Variants in ACACB observed in about 807,000 individuals in gnomAD.
ACACB encodes acetyl-CoA carboxylase 2.
Under a neutral mutation model 278.8 loss-of-function variants are expected in ACACB, and 209 were observed. The ratio of observed to expected loss-of-function variants is 0.75; its 90% CI spans 0.67 to 0.84. The LOEUF is 0.84. Ranked by LOEUF, ACACB falls within the 40% of genes least tolerant of loss-of-function variation. The pLI is 0.00. For missense variants in ACACB, 2,850 were observed against 3,269.0 expected, an observed-to-expected ratio of 0.87 and a Z score of 3.13; for synonymous variants, 1,174 against 1,285.6, an observed-to-expected ratio of 0.91 and a Z score of 1.86.
In ACACB at chr12:109,237,257, G is replaced by A. The variant is rs781147586; in HGVS notation, c.4539G>A (p.Val1513=). The change falls in exon 34 of 53, where the codon GTG becomes GTA. Residue 1513 remains valine, a synonymous_variant. Transcript: ENST00000338432. Reference sequence around the variant, plus strand: ...TGCGTAACTTCGATCTGACCGCCGTGCCCTGTGCCAACCACAAGATGCACC... The same window carrying A: ...TGCGTAACTTCGATCTGACCGCCGTACCCTGTGCCAACCACAAGATGCACC... ...NRMRNFDLTA[V]PCANHKMHLY... 6.8e-6 allele frequency: 11 copies of A among 1,614,080 alleles called. No individual in the cohort carries two copies. The highest frequency in any genetic ancestry group is 9.3e-6 in the Non-Finnish European group (11 of 1,180,034).
intron 2 of ACACB, among the ~76,000 whole-genome samples, chr12:109,149,217 C>T (rs916862596): frequency 3.3e-5 from 5 of 152,174 alleles, no homozygotes; most frequent in Non-Finnish European, 5.9e-5. Context: ...CGGGCACCTC[C>T]GTCCTCCTCC....
chr12:109,147,279 G>A (rs896939298), intron 2 of ACACB, among the ~76,000 whole-genome samples: 6 of 151,878 alleles, frequency 4.0e-5, no homozygotes, highest in Non-Finnish European at 5.9e-5. Context: ...CACCCAGGCT[G>A]GAGTGCTGTG....
rs753517990 is a variant in ACACB, at chr12:109,175,888, C to T, written c.1217-43C>T. 1.1e-5 allele frequency: 18 copies of T among 1,568,250 alleles called. No individual in the cohort carries two copies. The African/African-American group carries it at 1.9e-4, about 16-fold the overall frequency. On this transcript the variant is annotated intron_variant, in intron 7 of 52. Coordinates refer to ENST00000338432, the MANE Select transcript of ACACB (RefSeq NM_001093.4). ...TGTGGTTTCTGGGTTGTGTGTGTTT[C>T]TCCTGGATTTGGGAGGAATCAGGTT...
chr12:109,235,289 T>C (rs1204103141), intron 31 of ACACB, 24 bp from the exon 32 acceptor site: 12 of 1,604,004 alleles, frequency 7.5e-6, no homozygotes, highest in Non-Finnish European at 9.4e-6. Flanking sequence ...TAATATTCCA[T>C]TGTGTCTTTG....
At chr12:109,156,810 T>C (rs921255463) in intron 2 of ACACB, among the ~76,000 whole-genome samples, 10 of 152,104 alleles carry the variant, frequency 6.6e-5, no homozygotes, top group African/African-American at 2.2e-4. Flanking sequence ...TTCGGTTCCA[T>C]TGTGGAAGGC....
intron 21 of ACACB, among the ~76,000 whole-genome samples, chr12:109,210,197 A>ATGTATATATGTATATATACACACGTGTG (rs2045718517): frequency 1.7e-4 from 2 of 11,856 alleles, no homozygotes; most frequent in Admixed American, 2.1e-3. Context: ...ACGTGTGTAT[A>ATGTATATATGTATATATACACACGTGTG]TGTATATATG....
chr12:109,209,237 A>T lies in ACACB; in HGVS notation c.3133A>T (p.Ile1045Phe). The T allele has an allele frequency of 9.3e-6, 15 of 1,611,314 alleles. No homozygotes were observed. The highest frequency in any genetic ancestry group is 1.2e-5 in the Non-Finnish European group (14 of 1,179,514). The change falls in exon 21 of 53, where the codon ATC becomes TTC. Residue 1045 changes from isoleucine to phenylalanine, a missense_variant. Coordinates refer to ENST00000338432, the MANE Select transcript of ACACB (RefSeq NM_001093.4). ...PSLPLLELQE[I>F]MTSVAGRIPA... ...ACTGCCGCTGCTGGAGCTGCAGGAG[A>T]TCATGACCAGCGTGGCAGGCCGCAT...
chr12:109,249,200 G>T (rs1011555417), intron 40 of ACACB: 4 of 152,182 alleles, frequency 2.6e-5, no homozygotes, highest in African/African-American at 9.7e-5. Flanking sequence ...CAGGCTGGAG[G>T]GGAAAGAGGG....
At chr12:109,209,403 C>A (rs1274283464) in intron 21 of ACACB, 50 bp downstream of exon 21, 3 of 1,546,540 alleles carry the variant, frequency 1.9e-6, no homozygotes, top group Non-Finnish European at 2.6e-6. Flanking sequence ...TCACACTGGG[C>A]CGGCTCCCGG....
At chr12:109,263,896 G>A (rs897950289) in intron 49 of ACACB, 11 of 221,080 alleles carry the variant, frequency 5.0e-5, no homozygotes, top group Non-Finnish European at 8.0e-5. Flanking sequence ...CGATGGGTCT[G>A]ATGGAAGGGG....
chr12:109,201,666 A>G lies in ACACB; in HGVS notation c.2878A>G (p.Arg960Gly), dbSNP rs1050222575. 6.2e-6 allele frequency: 10 copies of G among 1,614,212 alleles called. No homozygotes were observed. The highest frequency in any genetic ancestry group is 6.8e-6 in the Non-Finnish European group (8 of 1,180,034). The change falls in exon 19 of 53, where the codon AGG becomes GGG. Residue 960 changes from arginine (R) to glycine (G), a missense_variant. Around this residue, in one of 3 missense-constraint regions of ACACB, gnomAD observed 2,265 missense variants for 2,561.3 expected, o/e 0.88. Coordinates refer to ENST00000338432, the MANE Select transcript of ACACB (RefSeq NM_001093.4). The stretch of plus-strand genomic sequence containing the variant: ...GCTGGAAGCAGGCTGCGTGGTGGCC[A>G]GGCTGGAGCTCGATGACCCTTCTAA... The part of the protein sequence containing the change: ...AVLEAGCVVA[R>G]LELDDPSKVH...
intron 2 of ACACB, among the ~76,000 whole-genome samples, 199 bp from the exon 3 acceptor site, chr12:109,166,662 A>C (rs1178266505): frequency 5.6e-5 from 8 of 142,960 alleles, no homozygotes; most frequent in South Asian, 4.7e-4. Context: ...AAAAAAAAAA[A>C]AAAAAAAAAA....
chr12:109,133,855 ATATATATATTTTTT>A (rs1267527583), intron 1 of ACACB, among the ~76,000 whole-genome samples: 1 of 49,758 alleles, frequency 2.0e-5, no homozygotes, highest in African/African-American at 9.4e-5. Context: ...ATATATATAT[ATATATATATTTTTT>A]TTTTTTTTTT....
rs112822073 is a variant in ACACB at position 109,193,438 on chromosome 12, G to T, written c.2400-210G>T. ...TTGCCATGTTGGCCAGGCTGGTCTC[G>T]AACTCTTGGCCTCAAGTGATGTGCC... On this transcript the variant is annotated intron_variant, in intron 15 of 52. Transcript: ENST00000338432. Among the ~76,000 whole-genome samples, 1,456 of 152,216 alleles carry T rather than the reference G, an allele frequency of 9.6e-3. 17 individuals are homozygous for T. The highest frequency in any genetic ancestry group is 0.016 in the Non-Finnish European group (1,091 of 68,010).
rs371965010 is a variant in ACACB, at chr12:109,191,808, C to T, written c.2296-39C>T. The T allele has an allele frequency of 1.6e-5, 26 of 1,614,104 alleles. No individual in the cohort carries two copies. The African/African-American group carries it at 3.2e-4, about 20-fold the overall frequency. On this transcript the variant is annotated intron_variant, in intron 14 of 52. Transcript: ENST00000338432. The stretch of plus-strand genomic sequence containing the variant: ...TGTCTCCCCTCTGGATGGCCGAGAC[C>T]TCGGCTTCCTGAGGATACTGAAGTG...
rs952644759 is a variant in ACACB at position 109,223,171 on chromosome 12, C to T, written c.3792+259C>T. Among the ~76,000 whole-genome samples the T allele has an allele frequency of 7.9e-5, 12 of 152,296 alleles. No individual in the cohort carries two copies. The East Asian group carries it at 1.9e-3, about 25-fold the overall frequency. ...GTGGGGGCTCACCTGGTGCAGTTTACAAACCTCAGCCATATGGAGCATATC... is the reference window on the plus strand; with the variant it reads ...GTGGGGGCTCACCTGGTGCAGTTTATAAACCTCAGCCATATGGAGCATATC... On this transcript the variant is annotated intron_variant, in intron 26 of 52. Transcript: ENST00000338432.
intron 40 of ACACB, chr12:109,249,078 C>G (rs2047026797): frequency 6.6e-6 from 1 of 152,174 alleles, no homozygotes; most frequent in African/African-American, 2.4e-5. Context: ...TTTATTTTGC[C>G]AAGGTTAGGG....
chr12:109,193,738 C>A lies in ACACB; in HGVS notation c.2481+9C>A. On this transcript the variant is annotated intron_variant, in intron 16 of 52. Transcript: ENST00000338432. ...TTAAGTACATTCTCAAGGTAAATGC[C>A]CCCGTGCCTCTCCGATGTCTCCAAC... The A allele has an allele frequency of 6.2e-7, 1 of 1,606,402 alleles. No homozygotes were observed. Among genetic ancestry groups the A allele is most frequent in the South Asian group, 1.1e-5 (1 of 90,932 alleles).
intron 2 of ACACB, among the ~76,000 whole-genome samples, chr12:109,165,579 A>T (rs1236807576): frequency 6.6e-6 from 1 of 152,216 alleles, no homozygotes; most frequent in Non-Finnish European, 1.5e-5. Context: ...AAGGAAAAAA[A>T]TCATTAACTC....
Sources: gnomAD v4.1 joint callset for allele counts (sites outside exome capture counted in the v4.1 genomes callset) on GRCh38, gnomAD v4.1.1 for gene constraint, gnomAD v4.1.1 regional missense constraint, MANE v1.5 for transcripts, NCBI Gene and HGNC (gene_info 2026-07-23, HGNC 2026-07-21) for gene names.